The following GAS2 variants were observed in gnomAD, a reference collection of about 807,000 sequenced individuals.
The protein encoded by GAS2 is growth arrest specific 2, also known as growth arrest-specific protein 2.
A neutral mutation model predicts 37.5 loss-of-function variants in GAS2; 20 were observed. The ratio of observed to expected loss-of-function variants is 0.53; its 90% CI spans 0.37 to 0.77. The LOEUF (loss-of-function observed/expected upper bound fraction) is 0.77. GAS2 is among the 30% of genes least tolerant of loss of function. The probability of loss-of-function intolerance (pLI) is 0.00; values close to 1 mark genes in which losing one functional copy is unlikely to be tolerated. For synonymous variants in GAS2, 144 were observed against 132.2 expected (o/e 1.09, Z -0.61); for missense variants, 336 against 373.4 (o/e 0.90, Z 0.82).
intron 5 of GAS2, among the ~76,000 whole-genome samples, chr11:22,744,862 T>C (rs1421330456): frequency 1.3e-5 from 2 of 151,380 alleles, no homozygotes; most frequent in African/African-American, 4.8e-5. Flanking sequence ...AAAGAAGAAG[T>C]CAAATTATCT....
At chr11:22,716,083 CA>C (rs143406119) in intron 3 of GAS2, among the ~76,000 whole-genome samples, 5,267 of 152,040 alleles carry the variant, frequency 0.035, 198 homozygotes, top group East Asian at 0.19. Flanking sequence ...GAAGTAAAAA[CA>C]AAAAACATAC....
chr11:22,724,035 G>T (rs1008585137), intron 3 of GAS2, among the ~76,000 whole-genome samples: 1 of 151,714 alleles, frequency 6.6e-6, no homozygotes, highest in Non-Finnish European at 1.5e-5. Context: ...ATCAATTTAT[G>T]CATGTCCTTC....
intron 1 of GAS2, among the ~76,000 whole-genome samples, chr11:22,645,009 G>A (rs1171618782): frequency 1.3e-5 from 2 of 152,128 alleles, no homozygotes; most frequent in African/African-American, 4.8e-5. Context: ...TATTGATGCT[G>A]TACATAGAGG....
intron 3 of GAS2, among the ~76,000 whole-genome samples, chr11:22,723,182 A>G (rs577700382): frequency 1.3e-5 from 2 of 152,092 alleles, no homozygotes; most frequent in East Asian, 3.9e-4. Flanking sequence ...TAACGGAAGC[A>G]AATAGCCCAT....
At chr11:22,696,360 A>G (rs142877357) in intron 3 of GAS2, among the ~76,000 whole-genome samples, 1,538 of 152,092 alleles carry the variant, frequency 0.01, 33 homozygotes, top group African/African-American at 0.035. Flanking sequence ...CATTTGGATT[A>G]GTTCCAAGTC....
intron 1 of GAS2, among the ~76,000 whole-genome samples, chr11:22,646,853 T>C (rs1043636956): frequency 2.0e-5 from 3 of 151,964 alleles, no homozygotes; most frequent in African/African-American, 7.3e-5. Context: ...CTTTCTTTTC[T>C]TCTCATTTGT....
At chr11:22,807,401 GA>G (rs1327020424) in intron 7 of GAS2, among the ~76,000 whole-genome samples, 1 of 152,212 alleles carries the variant, frequency 6.6e-6, no homozygotes, top group East Asian at 1.9e-4. Flanking sequence ...TGTTTTAAAG[GA>G]AGTTGCATCT....
At chr11:22,675,900 C>T (rs1024152457) in intron 2 of GAS2, among the ~76,000 whole-genome samples, 2 of 152,178 alleles carry the variant, frequency 1.3e-5, no homozygotes, top group Non-Finnish European at 2.9e-5. Flanking sequence ...TAGTAAGGTG[C>T]ACCCTGTCCA....
chr11:22,790,496 T>C (rs1294156781), intron 7 of GAS2, among the ~76,000 whole-genome samples: 2 of 151,258 alleles, frequency 1.3e-5, no homozygotes, highest in African/African-American at 4.9e-5. Context: ...TTTTCTTTGA[T>C]GCTCATATCA....
chr11:22,685,271 A>C (rs1022062199), intron 2 of GAS2, among the ~76,000 whole-genome samples: 18 of 152,190 alleles, frequency 1.2e-4, no homozygotes, highest in African/African-American at 2.2e-4. Flanking sequence ...AAAGTAATTG[A>C]ATGGGCCACT....
At chr11:22,754,303 A>AT (rs1332506651) in intron 6 of GAS2, among the ~76,000 whole-genome samples, 2 of 152,082 alleles carry the variant, frequency 1.3e-5, no homozygotes, top group Non-Finnish European at 2.9e-5. Flanking sequence ...TACATCAATG[A>AT]TTTTAAAATA....
rs115076999 is a variant in GAS2, at chr11:22,722,425, G to A, written c.268-3867G>A. ...ACACAATCCCAATAGCTTATTGGTA[G>A]TAACTTCTCATTTTGCTAACACAAA... is the stretch of plus-strand genomic sequence containing the variant. On this transcript the variant is annotated intron_variant, in intron 3 of 7. Transcript: ENST00000454584. Among the ~76,000 whole-genome samples, 919 of 151,930 alleles carry A rather than the reference G, an allele frequency of 6.0e-3. 15 individuals are homozygous for A. The highest frequency in any genetic ancestry group is 0.02 in the African/African-American group (835 of 41,504).
intron 7 of GAS2, among the ~76,000 whole-genome samples, chr11:22,792,602 C>T (rs1856220258): frequency 6.6e-6 from 1 of 152,152 alleles, no homozygotes; most frequent in African/African-American, 2.4e-5. Context: ...GGCTGAATTT[C>T]AGCAGGCAGT....
chr11:22,627,967 T>C (rs777292759), intron 1 of GAS2, among the ~76,000 whole-genome samples: 7 of 152,122 alleles, frequency 4.6e-5, no homozygotes, highest in Admixed American at 2.6e-4. Context: ...TGATTCAGAA[T>C]GGGGATGACA....
intron 2 of GAS2, among the ~76,000 whole-genome samples, chr11:22,683,093 AT>A (rs549928117): frequency 2.7e-3 from 407 of 152,138 alleles, no homozygotes; most frequent in Non-Finnish European, 4.1e-3. Flanking sequence ...AGAAGTCATT[AT>A]TTTAATTGGG....
rs1262324282 is a variant in GAS2, at chr11:22,644,850, T to G, written c.-21+19037T>G. ...ACTGGCCAGGCTACTCTTGAACCCCTGGACTCAAAGTGATCTGCCTGCCTA... is the reference window on the plus strand; with the variant it reads ...ACTGGCCAGGCTACTCTTGAACCCCGGGACTCAAAGTGATCTGCCTGCCTA... On this transcript the variant is annotated intron_variant, in intron 1 of 5. Transcript: ENST00000528582. 2.0e-5 allele frequency among the ~76,000 whole-genome samples: 3 copies of G among 152,180 alleles called. No individual in the cohort carries two copies. In the East Asian group the frequency reaches 5.8e-4, roughly 29 times the overall value.
Position 22,812,952 on chromosome 11 carries a change from T to A in GAS2, c.*936T>A, listed in dbSNP as rs575116295. 1.3e-5 allele frequency: 2 copies of A among 152,692 alleles called. No individual in the cohort carries two copies. Among genetic ancestry groups the A allele is most frequent in the East Asian group, 3.9e-4 (2 of 5,192 alleles). The allele number at this position is 152,692 out of a possible 1,614,324, so 9.5% of individuals were successfully genotyped here. A position where few individuals can be genotyped will look rare whatever the true frequency, so the allele number is the denominator to read the frequency against. ...TGTTTTATACCAATAAACAGCAAAA[T>A]ATTGTCCTTACTCATTCAAGAATTA... On this transcript the variant is annotated 3_prime_UTR_variant, in exon 8 of 8. Coordinates refer to ENST00000454584, the MANE Select transcript of GAS2 (RefSeq NM_001143830.3).
At chr11:22,664,917 G>GA (rs1180555214), upstream of GAS2, among the ~76,000 whole-genome samples, 1 of 151,806 alleles carries the variant, frequency 6.6e-6, no homozygotes, top group Non-Finnish European at 1.5e-5. Flanking sequence ...GTTAATGAAA[G>GA]AAAAAACACA....
chr11:22,652,993 G>GTCTTTCTTTCTTTCTT (rs10590128), intron 1 of GAS2, among the ~76,000 whole-genome samples: 19,044 of 96,844 alleles, frequency 0.2, 2,642 homozygotes, highest in Middle Eastern at 0.25. Context: ...TTCTTTCTTT[G>GTCTTTCTTTCTTTCTT]TCTTTCTTTC....
Sources: gnomAD v4.1 joint callset for allele counts (sites outside exome capture counted in the v4.1 genomes callset) on GRCh38, gnomAD v4.1.1 for gene constraint, MANE v1.5 for transcripts, NCBI Gene and HGNC (gene_info 2026-07-23, HGNC 2026-07-21) for gene names.